The following SREBF2 variants were observed in gnomAD, a reference collection of about 807,000 sequenced individuals.
SREBF2 encodes sterol regulatory element binding transcription factor 2.
A neutral mutation model predicts 113.1 loss-of-function variants in SREBF2; 55 were observed. The observed-to-expected ratio is 0.49, with a 90% CI of 0.39 to 0.61. The LOEUF is 0.61. Ranked by LOEUF, SREBF2 falls within the 20% of genes least tolerant of loss-of-function variation. The probability of loss-of-function intolerance (pLI) is 0.00; values close to 1 mark genes in which losing one functional copy is unlikely to be tolerated. For synonymous variants in SREBF2, 593 were observed against 605.7 expected (o/e 0.98, Z 0.31); for missense variants, 1,349 against 1,487.4 (o/e 0.91, Z 1.53).
chr22:41,897,069 T>C lies in SREBF2; in HGVS notation c.2513T>C (p.Leu838Pro). 1.2e-6 allele frequency: 2 copies of C among 1,612,960 alleles called. No individual in the cohort carries two copies. The highest frequency in any genetic ancestry group is 1.7e-6 in the Non-Finnish European group (2 of 1,179,492). ...EEESCEFSSA[L>P]EYLKLLHSFV... ...CTTCCTAGTGAATTCTCCAGTGCTCTGGAGTACTTGAAATTACTTCATTCT... is the reference window on the plus strand; with the variant it reads ...CTTCCTAGTGAATTCTCCAGTGCTCCGGAGTACTTGAAATTACTTCATTCT... Residue 838 changes from leucine (L) to proline (P), a missense_variant, in exon 14 of 19, where the codon CTG becomes CCG. Around this residue, in one of 2 missense-constraint regions of SREBF2, gnomAD observed 650 missense variants for 644.1 expected, o/e 1.01. Transcript: ENST00000361204.
Position 41,893,203 on chromosome 22 carries a change from G to C in SREBF2, c.2295G>C (p.Leu765=). Residue 765 remains leucine, a synonymous_variant, in exon 12 of 19, where the codon CTG becomes CTC. Transcript: ENST00000361204. ...PDSLRWLCHP[L]GQKFFMERSW... is the part of the protein sequence containing the mutation. Reference sequence around the variant, plus strand: ...CCCTGCGCTGGCTCTGCCACCCCCTGGGCCAGAAGTTTTTCATGGAGCGGA... The same window carrying C: ...CCCTGCGCTGGCTCTGCCACCCCCTCGGCCAGAAGTTTTTCATGGAGCGGA... 6.2e-7 allele frequency: 1 copy of C among 1,614,166 alleles called. No individual in the cohort carries two copies. Among genetic ancestry groups the C allele is most frequent in the Non-Finnish European group, 8.5e-7 (1 of 1,180,036 alleles).
rs1257105994 is a variant in SREBF2, at chr22:41,867,278, A to G, written c.536A>G (p.Gln179Arg). 6.2e-7 allele frequency: 1 copy of G among 1,614,054 alleles called. No individual in the cohort carries two copies. The highest frequency in any genetic ancestry group is 1.7e-5 in the Admixed American group (1 of 60,006). ...LIYQNAATSFQVLQPQVQSLV... is the reference protein window; with the variant it reads ...LIYQNAATSFRVLQPQVQSLV... ...TACCAGAATGCAGCTACTAGCTTTC[A>G]AGGTGATTCAGAAGTTAGAATGGTA... Residue 179 changes from glutamine (Q) to arginine (R), a missense_variant and splice_region_variant, in exon 2 of 19, where the codon CAA (glutamine) becomes CGA (arginine). Gln to Arg is a conservative substitution (Grantham distance 43). This residue lies in a region of SREBF2 where 699 missense variants were observed against 843.3 expected (regional missense o/e 0.83). Transcript: ENST00000361204.
chr22:41,885,109 G>A (rs2077287979), intron 11 of SREBF2, 98 bp downstream of exon 11: 3 of 1,429,952 alleles, frequency 2.1e-6, no homozygotes, highest in African/African-American at 2.8e-5. Flanking sequence ...TTCCCCATCA[G>A]GTGCTGCCCA....
Position 41,833,172 on chromosome 22 carries a change from C to G in SREBF2, c.-99C>G, listed in dbSNP as rs1233982575. Reference sequence around the variant, plus strand: ...GTGGCACCCGTCGGTGAGGCGGTGCCGGGCGGGGGTTGTCGGGTGTCATGG... The same window carrying G: ...GTGGCACCCGTCGGTGAGGCGGTGCGGGGCGGGGGTTGTCGGGTGTCATGG... On this transcript the variant is annotated 5_prime_UTR_variant, in exon 1 of 19. Coordinates refer to ENST00000361204, the MANE Select transcript of SREBF2 (RefSeq NM_004599.4). This position sits in a 1 kb window ranked among gnomAD's most constrained non-coding sequence, Gnocchi z 4.1. The G allele has an allele frequency of 2.2e-6, 2 of 915,972 alleles. No individual in the cohort carries two copies. The highest frequency in any genetic ancestry group is 3.1e-6 in the Non-Finnish European group (2 of 654,008). 56.7% of individuals were successfully genotyped at this position (915,972 alleles called of 1,614,324 possible). A position where few individuals can be genotyped will look rare whatever the true frequency, so the allele number is the denominator to read the frequency against.
intron 1 of SREBF2, among the ~76,000 whole-genome samples, chr22:41,852,734 T>G (rs1440744873): frequency 9.1e-6 from 1 of 109,776 alleles, no homozygotes; most frequent in Non-Finnish European, 1.7e-5. Flanking sequence ...AATGATTTTT[T>G]TTTTTTTTTT....
Position 41,903,125 on chromosome 22 carries a change from G to A in SREBF2, c.3063G>A (p.Leu1021=), listed in dbSNP as rs2077479173. The change falls in exon 17 of 19, where the codon CTG becomes CTA. Residue 1021 remains leucine, a synonymous_variant. Transcript: ENST00000361204. The stretch of plus-strand genomic sequence containing the variant: ...GGGACCTGGGCAGCCTGCGCAGGCT[G>A]GCACACAGCTTCCGCCCAGCATACC... ...FQRDLGSLRR[L]AHSFRPAYRK... 2 of 1,559,358 alleles carry A rather than the reference G, an allele frequency of 1.3e-6. No individual in the cohort carries two copies. Among genetic ancestry groups the A allele is most frequent in the Non-Finnish European group, 1.7e-6 (2 of 1,151,820 alleles).
chr22:41,884,790 A>G (rs2148401464), intron 10 of SREBF2, 52 bp from the exon 11 acceptor site: 2 of 1,605,848 alleles, frequency 1.2e-6, no homozygotes, highest in Non-Finnish European at 8.5e-7. Context: ...AGCAGGAAAA[A>G]GTTTGGTTTT....
intron 18 of SREBF2, 69 bp downstream of exon 18, chr22:41,905,043 G>C: frequency 7.2e-7 from 1 of 1,380,274 alleles, no homozygotes; most frequent in Non-Finnish European, 9.9e-7. Context: ...GGAGAAGAGG[G>C]GCCAGCCCAG....
chr22:41,839,871 C>T (rs1012753042), intron 1 of SREBF2, among the ~76,000 whole-genome samples: 14 of 151,336 alleles, frequency 9.3e-5, no homozygotes, highest in Admixed American at 3.9e-4. Context: ...GTTCATTTCT[C>T]TTGGGTAGAT....
chr22:41,877,569 C>T (rs1458009082), intron 8 of SREBF2, 148 bp downstream of exon 8: 1 of 957,448 alleles, frequency 1.0e-6, no homozygotes, highest in Admixed American at 2.2e-5. Flanking sequence ...TAGGGACTGG[C>T]ATAAGTTCCA....
rs1000594518 is a variant in SREBF2, at chr22:41,884,904, G to T, written c.2101G>T (p.Ala701Ser). The T allele has an allele frequency of 1.2e-6, 2 of 1,614,102 alleles. No individual in the cohort carries two copies. Among genetic ancestry groups the T allele is most frequent in the Non-Finnish European group, 1.7e-6 (2 of 1,180,056 alleles). ...VHMALCAVNL[A>S]ECAEEKIPPS... ...CATGGCGTTGTGTGCCGTGAACCTG[G>T]CTGAATGTGCAGAGGAGAAGATCCC... Residue 701 changes from alanine to serine, a missense_variant, in exon 11 of 19, where the codon GCT becomes TCT. Physicochemically the swap from Ala to Ser is moderately conservative, Grantham distance 99 (BLOSUM62 1). Transcript: ENST00000361204.
chr22:41,850,622 G>A (rs1037949762), intron 1 of SREBF2, among the ~76,000 whole-genome samples: 1 of 152,176 alleles, frequency 6.6e-6, no homozygotes, highest in African/African-American at 2.4e-5. Context: ...GTGGGTAGAG[G>A]AGAGACTCAG....
Position 41,867,311 on chromosome 22 carries a change from G to C in SREBF2, c.538+31G>C, listed in dbSNP as rs775756787. ...TCAGAAGTTAGAATGGTAGTGGTTG[G>C]TTGGTTCCAATGTTTATGTGCCAGT... On this transcript the variant is annotated intron_variant, in intron 2 of 18. Transcript: ENST00000361204. 100 of 1,611,796 alleles carry C rather than the reference G, an allele frequency of 6.2e-5. 1 individual carries two copies. The South Asian group carries it at 1.0e-3, about 17-fold the overall frequency.
At chr22:41,851,771 A>G (rs928253529) in intron 1 of SREBF2, among the ~76,000 whole-genome samples, 1 of 151,516 alleles carries the variant, frequency 6.6e-6, no homozygotes, top group African/African-American at 2.4e-5. Flanking sequence ...CTGGTATTAC[A>G]GGCATGAGCC....
intron 12 of SREBF2, among the ~76,000 whole-genome samples, chr22:41,893,505 G>T (rs990569386): frequency 6.6e-5 from 10 of 152,096 alleles, no homozygotes; most frequent in Non-Finnish European, 1.2e-4. Context: ...GGCTAAGCTG[G>T]GTGTGCAGCT....
intron 1 of SREBF2, among the ~76,000 whole-genome samples, chr22:41,844,049 C>CAG (rs2076855729): frequency 1.4e-5 from 2 of 142,704 alleles, no homozygotes; most frequent in African/African-American, 5.4e-5. Flanking sequence ...CACACACACA[C>CAG]ACACACACAC....
chr22:41,864,616 G>C (rs902197538), intron 1 of SREBF2, among the ~76,000 whole-genome samples: 2 of 151,516 alleles, frequency 1.3e-5, no homozygotes, highest in East Asian at 2.0e-4. Context: ...CACCGCGCCC[G>C]GCCCAAAAAA....
chr22:41,897,229 A>AT, intron 14 of SREBF2, 68 bp downstream of exon 14: 3 of 1,033,024 alleles, frequency 2.9e-6, no homozygotes, highest in Non-Finnish European at 4.4e-6. Flanking sequence ...CTTTTGCCCC[A>AT]GGGGTCCAGG....
intron 1 of SREBF2, among the ~76,000 whole-genome samples, chr22:41,854,268 A>ATAAC (rs2076957819): frequency 6.6e-6 from 1 of 151,310 alleles, no homozygotes; most frequent in Non-Finnish European, 1.5e-5. Context: ...GGTTCAAGTG[A>ATAAC]TAACTGCCTC....
Sources: allele counts gnomAD v4.1 joint callset (sites outside exome capture counted in the v4.1 genomes callset), GRCh38; gene constraint gnomAD v4.1.1; regional missense constraint gnomAD v4.1.1; non-coding constraint Gnocchi (gnomAD v3.1); transcripts MANE v1.5; gene names NCBI Gene and HGNC (gene_info 2026-07-23, HGNC 2026-07-21).